The following KCNQ1OT1 variants were observed in gnomAD, a reference collection of about 807,000 sequenced individuals.
KCNQ1OT1 encodes KCNQ1 opposite strand/antisense transcript 1, also known as KCNQ1 antisense RNA 2 (non-protein coding).
At chr11:2,697,046 G>C (rs1285943469) in exon 1 of KCNQ1OT1, 1 of 398,270 alleles carries the variant, frequency 2.5e-6, no homozygotes, top group African/African-American at 2.1e-5. Context: ...ACCCTTTCAG[G>C]AAAGGTCAAA....
At chr11:2,635,650 G>T (rs1357387876) in exon 1 of KCNQ1OT1, 1 of 152,184 alleles carries the variant, frequency 6.6e-6, no homozygotes, top group Admixed American at 6.6e-5. Flanking sequence ...GCTTAGGATT[G>T]TCTTGGCAAT....
chr11:2,665,702 G>A, exon 1 of KCNQ1OT1: 1 of 398,386 alleles, frequency 2.5e-6, no homozygotes, highest in Admixed American at 4.4e-5. Context: ...AGAAGGGCAT[G>A]TATAGCCCTC....
chr11:2,699,469 C>T (rs1454811761), exon 1 of KCNQ1OT1: 23 of 383,548 alleles, frequency 6.0e-5, no homozygotes, highest in Middle Eastern at 6.4e-4. Context: ...GGGAGAGTGC[C>T]GCGCTGAGGA....
At chr11:2,650,501 A>C in exon 1 of KCNQ1OT1, 1 of 398,600 alleles carries the variant, frequency 2.5e-6, no homozygotes, top group Non-Finnish European at 4.4e-6. Context: ...GTGTCTCTAC[A>C]ATTAATTAGA....
chr11:2,666,858 G>A, exon 1 of KCNQ1OT1: 2 of 398,684 alleles, frequency 5.0e-6, no homozygotes, highest in Non-Finnish European at 8.8e-6. Flanking sequence ...GGATGAGTGA[G>A]GGGCTTGTCA....
rs545298626 is a variant in KCNQ1OT1, at chr11:2,608,619, A to G, written n.91376T>C. On this transcript the variant is annotated non_coding_transcript_exon_variant, in exon 1 of 1. Coordinates refer to ENST00000597346, the Ensembl canonical transcript of KCNQ1OT1. This position sits in a 1 kb window ranked among gnomAD's most constrained non-coding sequence, Gnocchi z 4.6. ...GCCTATGACAGGTGTGCACCACAAC[A>G]CCAGCTGTTATTCAAAAAATATTTT... 71 of 398,458 alleles carry G rather than the reference A, an allele frequency of 1.8e-4. No homozygotes were observed. Among genetic ancestry groups the G allele is most frequent in the African/African-American group, 1.4e-3 (66 of 48,670 alleles). The allele number at this position is 398,458 out of a possible 1,614,324, so 24.7% of individuals were successfully genotyped here.
Position 2,612,301 on chromosome 11 carries a change from G to A in KCNQ1OT1, n.87694C>T, listed in dbSNP as rs1323702968. On this transcript the variant is annotated non_coding_transcript_exon_variant, in exon 1 of 1. Transcript: ENST00000597346. This position sits in a 1 kb window ranked among gnomAD's most constrained non-coding sequence, Gnocchi z 5.5. The stretch of plus-strand genomic sequence containing the variant: ...GTGAGGGATCTAGGTTGTGCACTCC[G>A]TATGAGAATCTAACTAAAGCCTCCC... 6.8e-5 allele frequency: 27 copies of A among 398,620 alleles called. No homozygotes were observed. Among genetic ancestry groups the A allele is most frequent in the Admixed American group, 2.6e-4 (6 of 22,734 alleles). The allele number at this position is 398,620 out of a possible 1,614,324, so 24.7% of individuals were successfully genotyped here. A position where few individuals can be genotyped will look rare whatever the true frequency, so the allele number is the denominator to read the frequency against.
chr11:2,697,601 T>C (rs1487324693), exon 1 of KCNQ1OT1: 3 of 398,484 alleles, frequency 7.5e-6, no homozygotes, highest in African/African-American at 4.1e-5. Flanking sequence ...CTTTATCACA[T>C]CATTTTTTTC....
chr11:2,649,773 G>A, exon 1 of KCNQ1OT1: 3 of 398,512 alleles, frequency 7.5e-6, no homozygotes, highest in Non-Finnish European at 1.3e-5. Flanking sequence ...GCCTCAGAGA[G>A]GCCCTTTTAG....
chr11:2,628,080 G>A, exon 1 of KCNQ1OT1: 2 of 398,550 alleles, frequency 5.0e-6, no homozygotes, highest in Non-Finnish European at 8.8e-6. Context: ...CTTGACTACT[G>A]TAACACTACA....
exon 1 of KCNQ1OT1, chr11:2,667,860 C>T (rs1215308613): frequency 7.5e-6 from 3 of 398,510 alleles, no homozygotes; most frequent in East Asian, 3.6e-5. Context: ...TGTGCATGCA[C>T]ACAGATTAGT....
chr11:2,664,728 G>T lies in KCNQ1OT1; in HGVS notation n.35267C>A. ...GGAAGAGAGGCACACGCCCTGGTGT[G>T]TGTGAGGGACAGGGATGTGTGCTGG... On this transcript the variant is annotated non_coding_transcript_exon_variant, in exon 1 of 1. Coordinates refer to ENST00000597346, the Ensembl canonical transcript of KCNQ1OT1. This position sits in a 1 kb window ranked among gnomAD's most constrained non-coding sequence, Gnocchi z 5.1. The T allele has an allele frequency of 2.5e-6, 1 of 398,768 alleles. No homozygotes were observed. The highest frequency in any genetic ancestry group is 4.4e-6 in the Non-Finnish European group (1 of 226,166). The allele number at this position is 398,768 out of a possible 1,614,324, so 24.7% of individuals were successfully genotyped here.
At chr11:2,667,982 T>C (rs1298479265) in exon 1 of KCNQ1OT1, 1 of 398,688 alleles carries the variant, frequency 2.5e-6, no homozygotes. Context: ...TCCCATTTCC[T>C]GTCACTGACC....
Position 2,651,706 on chromosome 11 carries a change from C to T in KCNQ1OT1, n.48289G>A. ...TCTGTTTCCTGTAATAGGCCATTTC[C>T]TAAGTAAGCATCATCCTCATTTCTA... On this transcript the variant is annotated non_coding_transcript_exon_variant, in exon 1 of 1. Coordinates refer to ENST00000597346, the Ensembl canonical transcript of KCNQ1OT1. This position sits in a 1 kb window ranked among gnomAD's most constrained non-coding sequence, Gnocchi z 6.1. 2.5e-6 allele frequency: 1 copy of T among 398,604 alleles called. No individual in the cohort carries two copies. The highest frequency in any genetic ancestry group is 4.4e-6 in the Non-Finnish European group (1 of 226,060). The allele number at this position is 398,604 out of a possible 1,614,324, so 24.7% of individuals were successfully genotyped here. A position where few individuals can be genotyped will look rare whatever the true frequency, so the allele number is the denominator to read the frequency against.
At position 2,620,168 on chromosome 11, in the gene KCNQ1OT1, A is replaced by G. The variant is rs1849142063; in HGVS notation, n.79827T>C. 7.6e-6 allele frequency: 3 copies of G among 394,960 alleles called. No individual in the cohort carries two copies. Among genetic ancestry groups the G allele is most frequent in the African/African-American group, 6.2e-5 (3 of 48,270 alleles). 24.5% of individuals were successfully genotyped at this position (394,960 alleles called of 1,614,324 possible). On this transcript the variant is annotated non_coding_transcript_exon_variant, in exon 1 of 1. Transcript: ENST00000597346. This position sits in a 1 kb window ranked among gnomAD's most constrained non-coding sequence, Gnocchi z 4.5. ...AAGATAGTGGCCTCTAGCTGCATCC[A>G]TGTTGCTGCAAAGGACGTAAGTTCA... is the stretch of plus-strand genomic sequence containing the variant.
rs1849201987 is a variant in KCNQ1OT1 at position 2,623,107 on chromosome 11, G to A, written n.76888C>T. On this transcript the variant is annotated non_coding_transcript_exon_variant, in exon 1 of 1. Coordinates refer to ENST00000597346, the Ensembl canonical transcript of KCNQ1OT1. The surrounding 1 kb of genome is among the most constrained non-coding windows in gnomAD (Gnocchi z 5.2). Reference sequence around the variant, plus strand: ...TCTCATGAGATCTGGTTGTTTAAACGTGTGTGGCACTTCCCATCTCACTTT... The same window carrying A: ...TCTCATGAGATCTGGTTGTTTAAACATGTGTGGCACTTCCCATCTCACTTT... The A allele has an allele frequency of 1.3e-5, 5 of 398,424 alleles. No homozygotes were observed. The highest frequency in any genetic ancestry group is 7.1e-5 in the East Asian group (2 of 28,084). 24.7% of individuals were successfully genotyped at this position (398,424 alleles called of 1,614,324 possible).
rs1590003075 is a variant in KCNQ1OT1, at chr11:2,647,044, G to A, written n.52951C>T. Reference sequence around the variant, plus strand: ...TCTGCTGAATAAGAATAGTGAAAGTGGGCATCCTTGTCTTGTTCTAGTTCT... The same window carrying A: ...TCTGCTGAATAAGAATAGTGAAAGTAGGCATCCTTGTCTTGTTCTAGTTCT... On this transcript the variant is annotated non_coding_transcript_exon_variant, in exon 1 of 1. Transcript: ENST00000597346. The surrounding 1 kb of genome is among the most constrained non-coding windows in gnomAD (Gnocchi z 4.0). 7.5e-6 allele frequency: 3 copies of A among 398,556 alleles called. No individual in the cohort carries two copies. The East Asian group carries it at 1.1e-4, about 14-fold the overall frequency. 24.7% of individuals were successfully genotyped at this position (398,556 alleles called of 1,614,324 possible). A position where few individuals can be genotyped will look rare whatever the true frequency, so the allele number is the denominator to read the frequency against.
rs1849177604 is a variant in KCNQ1OT1 at position 2,621,845 on chromosome 11, T to C, written n.78150A>G. 1 of 398,396 alleles carries C rather than the reference T, an allele frequency of 2.5e-6. No homozygotes were observed. Among genetic ancestry groups the C allele is most frequent in the African/African-American group, 2.1e-5 (1 of 48,748 alleles). 24.7% of individuals were successfully genotyped at this position (398,396 alleles called of 1,614,324 possible). ...ATTGAAGTCTTAGTTTTACTGACTT[T>C]TTTCCCCTATGGTTTTTCTTTCTAA... On this transcript the variant is annotated non_coding_transcript_exon_variant, in exon 1 of 1. Coordinates refer to ENST00000597346, the Ensembl canonical transcript of KCNQ1OT1. The surrounding 1 kb of genome is among the most constrained non-coding windows in gnomAD (Gnocchi z 5.7).
At position 2,654,331 on chromosome 11, in the gene KCNQ1OT1, C is replaced by G. The variant is rs1849803398; in HGVS notation, n.45664G>C. 2 of 398,756 alleles carry G rather than the reference C, an allele frequency of 5.0e-6. No individual in the cohort carries two copies. The highest frequency in any genetic ancestry group is 8.8e-6 in the Non-Finnish European group (2 of 226,262). 24.7% of individuals were successfully genotyped at this position (398,756 alleles called of 1,614,324 possible). A position where few individuals can be genotyped will look rare whatever the true frequency, so the allele number is the denominator to read the frequency against. On this transcript the variant is annotated non_coding_transcript_exon_variant, in exon 1 of 1. Coordinates refer to ENST00000597346, the Ensembl canonical transcript of KCNQ1OT1. This position sits in a 1 kb window ranked among gnomAD's most constrained non-coding sequence, Gnocchi z 6.4. ...CTTGAGGGGGCCAGGGAGGGGGCTT[C>G]TACTTGCAAAGGATAGGGAGAGCTT... is the stretch of plus-strand genomic sequence containing the variant.
Sources: allele counts gnomAD v4.1 joint callset, GRCh38; gene constraint gnomAD v4.1.1; non-coding constraint Gnocchi (gnomAD v3.1); transcripts MANE v1.5; gene names NCBI Gene and HGNC (gene_info 2026-07-23, HGNC 2026-07-21).